Variants in PLEKHH2 observed in about 807,000 individuals in gnomAD.
PLEKHH2 encodes pleckstrin homology domain-containing family H member 2.
PLEKHH2 carries 129 observed loss-of-function variants against 187.9 expected under a neutral mutation model. That is an observed-to-expected ratio of 0.69 (90% CI 0.59 to 0.79). The LOEUF (loss-of-function observed/expected upper bound fraction) is 0.79, where lower values mean the gene tolerates loss of function less well. Ranked by LOEUF, PLEKHH2 falls within the 30% of genes least tolerant of loss-of-function variation. The pLI is 0.00. For synonymous variants in PLEKHH2, 686 were observed against 605.6 expected (o/e 1.13, Z -1.95); for missense variants, 2,076 against 1,751.2 (o/e 1.19, Z -3.31).
intron 10 of PLEKHH2, 35 bp downstream of exon 10, chr2:43,706,451 T>A (rs1291988034): frequency 7.2e-7 from 1 of 1,395,600 alleles, no homozygotes; most frequent in Non-Finnish European, 1.0e-6. Context: ...AACATGTGCT[T>A]CTCTTCATGA....
In PLEKHH2 at chr2:43,668,463, C is replaced by A. The variant is rs72870449; in HGVS notation, c.124-10400C>A. Reference sequence around the variant, plus strand: ...TGTGTTGTCCCCTAGTCTCTGTATTCATAATCATAAAGAGCTCAGTAAATA... The same window carrying A: ...TGTGTTGTCCCCTAGTCTCTGTATTAATAATCATAAAGAGCTCAGTAAATA... On this transcript the variant is annotated intron_variant, in intron 2 of 29. Coordinates refer to ENST00000282406, the MANE Select transcript of PLEKHH2 (RefSeq NM_172069.4). Among the ~76,000 whole-genome samples the A allele has an allele frequency of 7.1e-4, 108 of 152,230 alleles. 1 individual carries two copies. Among genetic ancestry groups the A allele is most frequent in the African/African-American group, 2.5e-3 (104 of 41,518 alleles).
At position 43,744,008 on chromosome 2, in the gene PLEKHH2, C is replaced by T. The variant is rs1558606867; in HGVS notation, c.3555+19C>T. On this transcript the variant is annotated intron_variant, in intron 23 of 29. Transcript: ENST00000282406. Reference sequence around the variant, plus strand: ...CATCAAGGTGAAACCAAGTCCTTTTCAGGAGCCAAGCCCAACGAACAGCAA... The same window carrying T: ...CATCAAGGTGAAACCAAGTCCTTTTTAGGAGCCAAGCCCAACGAACAGCAA... 1 of 1,606,566 alleles carries T rather than the reference C, an allele frequency of 6.2e-7. No homozygotes were observed. The highest frequency in any genetic ancestry group is 1.3e-5 in the African/African-American group (1 of 74,926).
intron 16 of PLEKHH2, among the ~76,000 whole-genome samples, chr2:43,722,488 C>T (rs1670528795): frequency 6.6e-6 from 1 of 152,116 alleles, no homozygotes; most frequent in African/African-American, 2.4e-5. Context: ...GCCCCAACAT[C>T]AGCCACCGTA....
chr2:43,723,512 T>C (rs915531745), intron 16 of PLEKHH2, among the ~76,000 whole-genome samples: 6 of 151,932 alleles, frequency 3.9e-5, no homozygotes, highest in African/African-American at 1.2e-4. Flanking sequence ...AAGGGTTGTT[T>C]GTATAACTTT....
At chr2:43,648,013 A>G (rs1390660704) in intron 2 of PLEKHH2, among the ~76,000 whole-genome samples, 1 of 152,210 alleles carries the variant, frequency 6.6e-6, no homozygotes, top group African/African-American at 2.4e-5. Flanking sequence ...AATCTAGAGA[A>G]TTAACATTAA....
intron 11 of PLEKHH2, 80 bp from the exon 12 acceptor site, chr2:43,709,910 T>C (rs1669868371): frequency 7.6e-7 from 1 of 1,322,346 alleles, no homozygotes. Context: ...AATAATTGCA[T>C]TCTGTAGGAG....
Position 43,747,108 on chromosome 2 carries a change from C to CT in PLEKHH2, c.3653+1145_3653+1146insT, listed in dbSNP as rs1491324968. On this transcript the variant is annotated intron_variant, in intron 24 of 29. Transcript: ENST00000282406. ...TTTCTTTCTGTCTCTCTCTCTCTCT[C>CT]CCTCTCTCTCTCTCTCTCTCTCTCT... 7.9e-4 allele frequency among the ~76,000 whole-genome samples: 112 copies of CT among 141,214 alleles called. 2 individuals are homozygous for CT. Among genetic ancestry groups the CT allele is most frequent in the East Asian group, 4.0e-3 (20 of 5,016 alleles). 92.6% of individuals were successfully genotyped at this position (141,214 alleles called of 152,430 possible).
At chr2:43,709,711 C>T (rs183717133) in intron 11 of PLEKHH2, among the ~76,000 whole-genome samples, 359 of 152,312 alleles carry the variant, frequency 2.4e-3, no homozygotes, top group Admixed American at 4.4e-3. Flanking sequence ...TGGCGCACAC[C>T]TGTAGCCCCA....
chr2:43,666,008 C>T (rs1208016959), intron 2 of PLEKHH2, among the ~76,000 whole-genome samples: 31 of 145,390 alleles, frequency 2.1e-4, no homozygotes, highest in Non-Finnish European at 3.9e-4. Flanking sequence ...CCACCCAGTT[C>T]GAGCTTCCCG....
chr2:43,710,633 A>G lies in PLEKHH2; in HGVS notation c.2301+58A>G, dbSNP rs1246678561. 4.0e-6 allele frequency: 6 copies of G among 1,516,690 alleles called. No homozygotes were observed. The Admixed American group carries it at 6.9e-5, about 17-fold the overall frequency. 94.0% of individuals were successfully genotyped at this position (1,516,690 alleles called of 1,614,324 possible). ...TGTATCATGCCAGACTCAATTCTCA[A>G]TTATCCAACCTAATGGAAAGGAGAT... On this transcript the variant is annotated intron_variant, in intron 14 of 29. Coordinates refer to ENST00000282406, the MANE Select transcript of PLEKHH2 (RefSeq NM_172069.4).
At chr2:43,754,992 C>G (rs1490538367) in intron 25 of PLEKHH2, among the ~76,000 whole-genome samples, 1 of 151,354 alleles carries the variant, frequency 6.6e-6, no homozygotes, top group Admixed American at 6.6e-5. Context: ...CCTGCCTCAG[C>G]CTCCCTAGTA....
In PLEKHH2 at chr2:43,743,891, G is replaced by A. The variant is rs2104600449; in HGVS notation, c.3457G>A (p.Asp1153Asn). 3 of 1,614,056 alleles carry A rather than the reference G, an allele frequency of 1.9e-6. No homozygotes were observed. In the East Asian group the frequency reaches 6.7e-5, roughly 36 times the overall value. Residue 1153 changes from aspartate to asparagine, a missense_variant, in exon 23 of 30, where the codon GAC becomes AAC. Physicochemically the swap from Asp to Asn is conservative, Grantham distance 23 (BLOSUM62 1). Coordinates refer to ENST00000282406, the MANE Select transcript of PLEKHH2 (RefSeq NM_172069.4). The stretch of plus-strand genomic sequence containing the variant: ...AGAATTTTTGAATACTTTGAACCAG[G>A]ACACAGGAATGAGGAAACCAGCGCA... ...VEEFLNTLNQDTGMRKPAQSG... is the reference protein window; with the variant it reads ...VEEFLNTLNQNTGMRKPAQSG...
intron 2 of PLEKHH2, among the ~76,000 whole-genome samples, chr2:43,672,691 G>A (rs1037758176): frequency 9.2e-5 from 14 of 152,178 alleles, no homozygotes; most frequent in Non-Finnish European, 1.5e-4. Flanking sequence ...CTCTAAGGGA[G>A]CAGAATTATC....
chr2:43,697,839 T>C (rs1313593977), intron 7 of PLEKHH2, among the ~76,000 whole-genome samples: 1 of 152,234 alleles, frequency 6.6e-6, no homozygotes, highest in African/African-American at 2.4e-5. Flanking sequence ...AGGGGATAAA[T>C]TGATAACTCT....
intron 24 of PLEKHH2, among the ~76,000 whole-genome samples, chr2:43,746,886 C>A (rs992277930): frequency 6.6e-6 from 1 of 151,732 alleles, no homozygotes; most frequent in Non-Finnish European, 1.5e-5. Flanking sequence ...AGGCGAATGG[C>A]ATGAACCCGG....
intron 14 of PLEKHH2, chr2:43,711,397 T>G: frequency 2.0e-6 from 2 of 984,346 alleles, no homozygotes; most frequent in South Asian, 9.4e-5. Context: ...AAATTTGCAG[T>G]GTGGCTAATT....
At chr2:43,679,224 T>C (rs1668034867) in intron 3 of PLEKHH2, among the ~76,000 whole-genome samples, 1 of 152,194 alleles carries the variant, frequency 6.6e-6, no homozygotes, top group African/African-American at 2.4e-5. Context: ...ATGTTCATAG[T>C]TGCTTTATTT....
At chr2:43,723,460 C>T (rs1321152339) in intron 16 of PLEKHH2, among the ~76,000 whole-genome samples, 3 of 151,894 alleles carry the variant, frequency 2.0e-5, no homozygotes, top group African/African-American at 7.3e-5. Context: ...GGGGTAGTTA[C>T]TTGGGTGGAG....
rs748036583 is a variant in PLEKHH2 at position 43,644,822 on chromosome 2, A to G, written c.123+26A>G. On this transcript the variant is annotated intron_variant, in intron 2 of 29. Coordinates refer to ENST00000282406, the MANE Select transcript of PLEKHH2 (RefSeq NM_172069.4). Reference sequence around the variant, plus strand: ...GTAAGCTTTCTCCCTAAGCTTTGTTATTAAATGTCAGCTATTTAGGGTCTG... The same window carrying G: ...GTAAGCTTTCTCCCTAAGCTTTGTTGTTAAATGTCAGCTATTTAGGGTCTG... 1.9e-6 allele frequency: 3 copies of G among 1,579,952 alleles called. No individual in the cohort carries two copies. The Admixed American group carries it at 5.5e-5, about 29-fold the overall frequency.
Sources: allele counts gnomAD v4.1 joint callset (sites outside exome capture counted in the v4.1 genomes callset), GRCh38; gene constraint gnomAD v4.1.1; transcripts MANE v1.5; gene names NCBI Gene and HGNC (gene_info 2026-07-23, HGNC 2026-07-21).